Variants in DNM3 observed in about 807,000 individuals in gnomAD.
The protein encoded by DNM3 is dynamin-3.
A neutral mutation model predicts 101.6 loss-of-function variants in DNM3; 47 were observed. The observed-to-expected ratio is 0.46, with a 90% CI of 0.37 to 0.59. DNM3 has a LOEUF of 0.59. Ranked by LOEUF, DNM3 falls within the 20% of genes least tolerant of loss-of-function variation. DNM3 has a pLI of 0.00. For synonymous variants in DNM3, 385 were observed against 387.9 expected (o/e 0.99, Z 0.09); for missense variants, 849 against 1,085.7 (o/e 0.78, Z 3.06).
chr1:172,397,962 A>G (rs574617544), intron 20 of DNM3, among the ~76,000 whole-genome samples: 26 of 152,332 alleles, frequency 1.7e-4, no homozygotes, highest in African/African-American at 4.8e-4. Flanking sequence ...ATTACAAGTT[A>G]TCTTTGCAGT....
intron 2 of DNM3, among the ~76,000 whole-genome samples, chr1:171,967,430 A>C (rs2043666121): frequency 1.3e-5 from 2 of 152,068 alleles, no homozygotes; most frequent in South Asian, 4.1e-4. Flanking sequence ...TGAAAATGAA[A>C]AGGCCTTAGA....
Position 171,989,694 on chromosome 1 carries a change from C to A in DNM3, c.589+546C>A, listed in dbSNP as rs4317842. The stretch of plus-strand genomic sequence containing the variant: ...TATCCAGAAAAGGTCCTTTCTTATG[C>A]GTATGTTTAAACTTTTTACTTCTCT... On this transcript the variant is annotated intron_variant, in intron 4 of 20. Coordinates refer to ENST00000627582, the MANE Select transcript of DNM3 (RefSeq NM_015569.5). 6.1e-3 allele frequency among the ~76,000 whole-genome samples: 924 copies of A among 152,158 alleles called. 11 individuals carry two copies. The highest frequency in any genetic ancestry group is 6.8e-3 in the Middle Eastern group (2 of 294).
intron 2 of DNM3, among the ~76,000 whole-genome samples, chr1:171,941,717 A>T (rs1345822741): frequency 6.6e-6 from 1 of 152,194 alleles, no homozygotes; most frequent in Admixed American, 6.6e-5. Context: ...TTATGGGTTC[A>T]TTGTTTTCCC....
rs1289466161 is a variant in DNM3, at chr1:172,033,248, C to A, written c.832C>A (p.Gln278Lys). ...IADRMGTPHLQKVLNQQLTNH... is the reference protein window; with the variant it reads ...IADRMGTPHLKKVLNQQLTNH... ...TGACCGAATGGGAACCCCACACCTG[C>A]AGAAGGTCCTTAATCAGGTAAAAAT... is the stretch of plus-strand genomic sequence containing the variant. Residue 278 changes from glutamine (Q) to lysine (K), a missense_variant, in exon 6 of 21, where the codon CAG becomes AAG. This residue lies in a region of DNM3 where 388 missense variants were observed against 483.0 expected (regional missense o/e 0.80). Coordinates refer to ENST00000627582, the MANE Select transcript of DNM3 (RefSeq NM_015569.5). 6.2e-7 allele frequency: 1 copy of A among 1,601,456 alleles called. No homozygotes were observed. Among genetic ancestry groups the A allele is most frequent in the Admixed American group, 1.7e-5 (1 of 58,266 alleles).
intron 1 of DNM3, among the ~76,000 whole-genome samples, chr1:171,883,384 C>T (rs1375915223): frequency 3.6e-5 from 4 of 112,152 alleles, no homozygotes; most frequent in Non-Finnish European, 4.0e-5. Flanking sequence ...CACACACACA[C>T]ACACACACAC....
chr1:172,383,546 T>C (rs2069032382), intron 18 of DNM3, among the ~76,000 whole-genome samples: 1 of 152,164 alleles, frequency 6.6e-6, no homozygotes, highest in African/African-American at 2.4e-5. Flanking sequence ...TGTTCCGTAC[T>C]GTGACCCTCC....
At chr1:172,048,774 C>G (rs757877551) in intron 10 of DNM3, 24 bp downstream of exon 10, 3 of 1,607,230 alleles carry the variant, frequency 1.9e-6, no homozygotes, top group African/African-American at 1.3e-5. Context: ...ATTTAACTTT[C>G]CAGTACGTGG....
chr1:172,038,325 AC>A lies in DNM3; in HGVS notation c.858del (p.Asn287ThrfsTer21). 1 of 1,613,268 alleles carries A rather than the reference AC, an allele frequency of 6.2e-7. No homozygotes were observed. The highest frequency in any genetic ancestry group is 8.5e-7 in the Non-Finnish European group (1 of 1,179,476). On this transcript the variant is annotated frameshift_variant, in exon 7 of 21. Coordinates refer to ENST00000627582, the MANE Select transcript of DNM3 (RefSeq NM_015569.5). LOFTEE classifies it high-confidence loss of function. ...ATCATTTTGTTTTGTTTAGCAACTT[AC>A]CAACCACATTCGGGATACCCTACCA... ...HLQKVLNQQL[T>X]NHIRDTLPNF...
rs191650988 is a variant in DNM3, at chr1:172,165,309, G to A, written c.1659+34021G>A. On this transcript the variant is annotated intron_variant, in intron 14 of 20. Transcript: ENST00000627582. ...GAACAAAATGACAATCTCTTTCAGG[G>A]GAAAAAAAGGTGAGAGTAACAGAGT... is the stretch of plus-strand genomic sequence containing the variant. Among the ~76,000 whole-genome samples, 599 of 151,120 alleles carry A rather than the reference G, an allele frequency of 4.0e-3. 1 individual carries two copies. Among genetic ancestry groups the A allele is most frequent in the Middle Eastern group, 0.014 (4 of 292 alleles).
At position 172,030,981 on chromosome 1, in the gene DNM3, G is replaced by T. The variant is rs12067192; in HGVS notation, c.590-1421G>T. ...AGTGTAAATTAGTTCAACCATTGCG[G>T]AAGACAGTATGGGAATCCCTCAAGG... is the stretch of plus-strand genomic sequence containing the variant. On this transcript the variant is annotated intron_variant, in intron 4 of 20. Transcript: ENST00000627582. Among the ~76,000 whole-genome samples, 1,320 of 152,274 alleles carry T rather than the reference G, an allele frequency of 8.7e-3. 16 individuals are homozygous for T. Among genetic ancestry groups the T allele is most frequent in the African/African-American group, 0.03 (1,239 of 41,536 alleles).
chr1:171,919,829 A>G (rs12040254), intron 1 of DNM3, among the ~76,000 whole-genome samples: 40,872 of 151,902 alleles, frequency 0.27, 6,002 homozygotes, highest in Admixed American at 0.34. Context: ...TCCCTTCTTT[A>G]ATGGTTTTCA....
Position 172,093,569 on chromosome 1 carries a change from A to G in DNM3, c.1545+694A>G, listed in dbSNP as rs2054055218. The G allele has an allele frequency of 5.7e-6, 4 of 702,942 alleles. No homozygotes were observed. In the South Asian group the frequency reaches 9.7e-5, roughly 17 times the overall value. The allele number at this position is 702,942 out of a possible 1,614,324, so 43.5% of individuals were successfully genotyped here. A position where few individuals can be genotyped will look rare whatever the true frequency, so the allele number is the denominator to read the frequency against. On this transcript the variant is annotated intron_variant, in intron 13 of 20. Transcript: ENST00000627582. ...TTAAAAAACTTTCAGAGGTACAATT[A>G]TTGAACAAATTGAAACCTCTGCTCT...
At chr1:172,032,532 T>TAA in intron 5 of DNM3, 32 bp downstream of exon 5, 1 of 520,296 alleles carries the variant, frequency 1.9e-6, no homozygotes, top group Non-Finnish European at 2.5e-6. Context: ...AAGACTTTTT[T>TAA]TTTTTTTTTT....
At chr1:172,004,569 A>T (rs1334768878) in intron 4 of DNM3, among the ~76,000 whole-genome samples, 1 of 151,936 alleles carries the variant, frequency 6.6e-6, no homozygotes, top group East Asian at 1.9e-4. Flanking sequence ...TTGGTAGAAG[A>T]CAGCAACAAG....
At position 172,217,576 on chromosome 1, in the gene DNM3, T is replaced by G. The variant is rs550361652; in HGVS notation, c.1660-35997T>G. Among the ~76,000 whole-genome samples the G allele has an allele frequency of 2.6e-5, 4 of 152,280 alleles. No individual in the cohort carries two copies. In the South Asian group the frequency reaches 8.3e-4, roughly 32 times the overall value. On this transcript the variant is annotated intron_variant, in intron 14 of 20. Transcript: ENST00000627582. ...TTTTCTTGTGCCCACTGCCTCTTAT[T>G]CGATCATTTGTTGTTTCTATTCTCA...
intron 14 of DNM3, among the ~76,000 whole-genome samples, chr1:172,212,969 T>C (rs944871313): frequency 3.9e-5 from 6 of 152,074 alleles, no homozygotes; most frequent in Admixed American, 1.3e-4. Context: ...TTTTTGTAGA[T>C]GAAGGAAACT....
intron 14 of DNM3, among the ~76,000 whole-genome samples, chr1:172,232,072 C>T (rs1348720083): frequency 1.3e-5 from 2 of 152,030 alleles, no homozygotes; most frequent in Admixed American, 6.6e-5. Context: ...GCTAAATGCT[C>T]CAATTAAAAG....
At chr1:172,265,910 G>T (rs1351898165) in intron 15 of DNM3, among the ~76,000 whole-genome samples, 1 of 151,992 alleles carries the variant, frequency 6.6e-6, no homozygotes, top group Non-Finnish European at 1.5e-5. Context: ...TTTAAAATAA[G>T]GCATTCTTTC....
At chr1:171,927,038 T>A (rs1483663665) in intron 2 of DNM3, among the ~76,000 whole-genome samples, 1 of 152,074 alleles carries the variant, frequency 6.6e-6, no homozygotes, top group Non-Finnish European at 1.5e-5. Context: ...GTACGGTAGG[T>A]TCTAACCAGG....
Sources: gnomAD v4.1 joint callset for allele counts (sites outside exome capture counted in the v4.1 genomes callset) on GRCh38, gnomAD v4.1.1 for gene constraint, gnomAD v4.1.1 regional missense constraint, MANE v1.5 for transcripts, NCBI Gene and HGNC (gene_info 2026-07-23, HGNC 2026-07-21) for gene names.